Variants in RBPMS observed in about 807,000 individuals in gnomAD.
RBPMS encodes RNA-binding protein with multiple splicing.
In RBPMS, 7 loss-of-function variants were observed where a neutral mutation model predicts 26.8. The observed-to-expected ratio is 0.26, with a 90% CI of 0.15 to 0.49. The LOEUF is 0.49. RBPMS is among the 20% of genes least tolerant of loss of function. The pLI, the probability that RBPMS is intolerant of heterozygous loss-of-function variation, is 0.98. For missense variants in RBPMS, 186 were observed against 250.0 expected, an observed-to-expected ratio of 0.74 and a Z score of 1.73; for synonymous variants, 96 against 93.3, an observed-to-expected ratio of 1.03 and a Z score of -0.17.
chr8:30,457,594 T>C (rs1199806130), intron 1 of RBPMS, among the ~76,000 whole-genome samples: 1 of 16,996 alleles, frequency 5.9e-5, no homozygotes, highest in African/African-American at 1.3e-4. Flanking sequence ...TTTTTTTTTT[T>C]TTTTTTTTTT....
At chr8:30,484,688 T>G (rs1265871555) in intron 4 of RBPMS, among the ~76,000 whole-genome samples, 1 of 152,210 alleles carries the variant, frequency 6.6e-6, no homozygotes, top group Non-Finnish European at 1.5e-5. Flanking sequence ...AGAGAGAATT[T>G]TAGAAAGCTT....
chr8:30,411,456 G>A (rs974615260), intron 1 of RBPMS, among the ~76,000 whole-genome samples: 1 of 151,590 alleles, frequency 6.6e-6, no homozygotes, highest in African/African-American at 2.4e-5. Flanking sequence ...CTTGAGCTCA[G>A]GAGTTCGAGA....
intron 1 of RBPMS, among the ~76,000 whole-genome samples, chr8:30,390,621 T>C (rs1356105252): frequency 2.0e-5 from 3 of 152,198 alleles, no homozygotes; most frequent in Admixed American, 2.0e-4. Flanking sequence ...GATTCAAGTT[T>C]TTCAGCCTAC....
chr8:30,554,605 T>C (rs190884462), intron 6 of RBPMS, among the ~76,000 whole-genome samples: 6 of 152,294 alleles, frequency 3.9e-5, no homozygotes, highest in Admixed American at 3.3e-4. Context: ...TCTCTCAGAC[T>C]TGACCATGTG....
At chr8:30,421,166 A>T (rs546593924) in intron 1 of RBPMS, among the ~76,000 whole-genome samples, 6 of 150,974 alleles carry the variant, frequency 4.0e-5, no homozygotes, top group South Asian at 2.1e-4. Flanking sequence ...TGTGTGTGTG[A>T]GAGAGAGTGT....
chr8:30,493,812 C>T (rs1012087046), intron 4 of RBPMS, among the ~76,000 whole-genome samples: 1 of 152,142 alleles, frequency 6.6e-6, no homozygotes, highest in Non-Finnish European at 1.5e-5. Flanking sequence ...GGAAAATAAA[C>T]TCTGCTTGTC....
At chr8:30,481,934 C>T (rs1455390916) in intron 4 of RBPMS, among the ~76,000 whole-genome samples, 1 of 152,222 alleles carries the variant, frequency 6.6e-6, no homozygotes, top group African/African-American at 2.4e-5. Context: ...TAGGAGGCAA[C>T]TAAAAGTAAA....
chr8:30,476,477 G>A (rs148709606), intron 2 of RBPMS, among the ~76,000 whole-genome samples: 81 of 152,304 alleles, frequency 5.3e-4, no homozygotes, highest in African/African-American at 1.8e-3. Context: ...AGGCAGAGCT[G>A]TGAATCATGA....
At chr8:30,549,445 G>A (rs1257804111) in intron 6 of RBPMS, 2 of 1,456,186 alleles carry the variant, frequency 1.4e-6, no homozygotes, top group African/African-American at 1.4e-5. Context: ...ATTGTTTTCA[G>A]ACATAAATGA....
At chr8:30,566,640 G>A (rs913339303) in intron 8 of RBPMS, among the ~76,000 whole-genome samples, 1 of 152,260 alleles carries the variant, frequency 6.6e-6, no homozygotes, top group African/African-American at 2.4e-5. Context: ...TGGCTGTCCA[G>A]TGGCACCTGG....
intron 4 of RBPMS, among the ~76,000 whole-genome samples, chr8:30,481,873 C>T (rs182503264): frequency 6.6e-6 from 1 of 152,106 alleles, no homozygotes; most frequent in African/African-American, 2.4e-5. Flanking sequence ...GGGAAACAGA[C>T]GTGGAGAGGA....
chr8:30,443,549 G>C (rs1813374542), intron 1 of RBPMS, among the ~76,000 whole-genome samples: 1 of 151,984 alleles, frequency 6.6e-6, no homozygotes, highest in Non-Finnish European at 1.5e-5. Context: ...TTGCTTATCT[G>C]AAATCCTTGG....
chr8:30,511,547 G>GTA lies in RBPMS; in HGVS notation c.397+7112_397+7113insAT, dbSNP rs1389865817. 1.6e-4 allele frequency among the ~76,000 whole-genome samples: 20 copies of GTA among 125,026 alleles called. 1 individual carries two copies. Among genetic ancestry groups the GTA allele is most frequent in the African/African-American group, 4.8e-4 (17 of 35,386 alleles). The allele number at this position is 125,026 out of a possible 152,430, so 82.0% of individuals were successfully genotyped here. A position where few individuals can be genotyped will look rare whatever the true frequency, so the allele number is the denominator to read the frequency against. Reference sequence around the variant, plus strand: ...TATATTTCTGTGTGTGTGTGTGTGTGTGTATGTATAGATATATATATTTGT... The same window carrying GTA: ...TATATTTCTGTGTGTGTGTGTGTGTGTATGTATGTATAGATATATATATTTGT... On this transcript the variant is annotated intron_variant, in intron 5 of 8. Transcript: ENST00000397323.
At chr8:30,445,061 A>G (rs1460467161) in intron 1 of RBPMS, among the ~76,000 whole-genome samples, 2 of 151,928 alleles carry the variant, frequency 1.3e-5, no homozygotes, top group Non-Finnish European at 2.9e-5. Flanking sequence ...TGTGGGGTTG[A>G]TGTTTCATGT....
intron 1 of RBPMS, among the ~76,000 whole-genome samples, chr8:30,410,143 TACACACACACACAC>T (rs34489233): frequency 0.013 from 1,658 of 132,196 alleles, 33 homozygotes; most frequent in East Asian, 0.056. Flanking sequence ...TGACTTAAAA[TACACACACACACAC>T]ACACACACAC....
chr8:30,560,185 G>A (rs368734677), intron 7 of RBPMS, among the ~76,000 whole-genome samples: 10 of 152,332 alleles, frequency 6.6e-5, no homozygotes, highest in African/African-American at 2.4e-4. Context: ...AAGTTGCCCT[G>A]TTGACCTGAA....
intron 5 of RBPMS, 47 bp downstream of exon 5, chr8:30,504,483 G>C: frequency 6.3e-7 from 1 of 1,576,828 alleles, no homozygotes; most frequent in East Asian, 2.2e-5. Context: ...ACTAAGAACT[G>C]TTCATGTGCT....
chr8:30,477,338 C>T (rs867245165), intron 2 of RBPMS, among the ~76,000 whole-genome samples: 45 of 152,128 alleles, frequency 3.0e-4, no homozygotes, highest in African/African-American at 9.2e-4. Context: ...CGTGAGTCAC[C>T]GCACCCAGCC....
intron 5 of RBPMS, among the ~76,000 whole-genome samples, chr8:30,539,166 A>G (rs1468411158): frequency 6.6e-6 from 1 of 152,080 alleles, no homozygotes; most frequent in Non-Finnish European, 1.5e-5. Context: ...ATTTTTCATC[A>G]TGTTTGGATT....
Sources: allele counts gnomAD v4.1 joint callset (sites outside exome capture counted in the v4.1 genomes callset), GRCh38; gene constraint gnomAD v4.1.1; transcripts MANE v1.5; gene names NCBI Gene and HGNC (gene_info 2026-07-23, HGNC 2026-07-21).